SLC25A51: variants seen among roughly 807,000 people sequenced by gnomAD.
SLC25A51 encodes mitochondrial nicotinamide adenine dinucleotide transporter SLC25A51.
Under a neutral mutation model 19.1 loss-of-function variants are expected in SLC25A51, and 11 were observed. The observed-to-expected ratio is 0.58, with a 90% CI of 0.36 to 0.96. The LOEUF (loss-of-function observed/expected upper bound fraction) is 0.96. Among genes scored for constraint, SLC25A51 ranks in the 40% least tolerant of loss-of-function variants. The probability of loss-of-function intolerance (pLI) is 0.01; values close to 1 mark genes in which losing one functional copy is unlikely to be tolerated. For missense variants in SLC25A51, 201 were observed against 365.4 expected (o/e 0.55, Z 3.67); for synonymous variants, 105 against 133.6 (o/e 0.79, Z 1.47).
intron 2 of SLC25A51, among the ~76,000 whole-genome samples, chr9:37,893,319 G>A (rs182599441): frequency 1.6e-3 from 241 of 152,290 alleles, no homozygotes; most frequent in African/African-American, 5.6e-3. Context: ...ATGGCCTAAC[G>A]CCTCTTTGGA....
chr9:37,890,944 C>G (rs1017144635), intron 2 of SLC25A51, among the ~76,000 whole-genome samples: 4 of 152,000 alleles, frequency 2.6e-5, no homozygotes, highest in Non-Finnish European at 5.9e-5. Context: ...TTTTTCCCTC[C>G]TCATACTACA....
intron 1 of SLC25A51, among the ~76,000 whole-genome samples, chr9:37,903,277 A>G (rs1026708155): frequency 2.0e-5 from 3 of 152,160 alleles, no homozygotes; most frequent in Non-Finnish European, 4.4e-5. Flanking sequence ...TGTTTCAGAG[A>G]TTACAAGTAG....
exon 4 of SLC25A51, chr9:37,879,981 G>C (rs1391507348): frequency 6.6e-6 from 1 of 152,292 alleles, no homozygotes; most frequent in Non-Finnish European, 1.5e-5. Flanking sequence ...CAAGATGTTT[G>C]GTCTTTATGG....
chr9:37,895,167 C>T (rs1831689268), intron 2 of SLC25A51, among the ~76,000 whole-genome samples: 1 of 151,998 alleles, frequency 6.6e-6, no homozygotes, highest in Non-Finnish European at 1.5e-5. Flanking sequence ...CAATGGGCAA[C>T]CTTGTACTTA....
chr9:37,903,286 A>G (rs1344004228), intron 1 of SLC25A51, among the ~76,000 whole-genome samples: 1 of 152,246 alleles, frequency 6.6e-6, no homozygotes, highest in African/African-American at 2.4e-5. Flanking sequence ...GATTACAAGT[A>G]GAGAAAAACA....
chr9:37,899,289 C>T (rs1002682239), intron 2 of SLC25A51, among the ~76,000 whole-genome samples: 3 of 152,106 alleles, frequency 2.0e-5, no homozygotes, highest in Middle Eastern at 3.2e-3. Flanking sequence ...GCTACTTGGC[C>T]GTGGTGAAAT....
chr9:37,878,530 G>C, downstream of SLC25A51: 1 of 184,664 alleles, frequency 5.4e-6, no homozygotes, highest in South Asian at 1.3e-4. Flanking sequence ...AGTGGTCTAG[G>C]CAACAGCTAA....
Position 37,887,888 on chromosome 9 carries a change from C to G in SLC25A51, c.663G>C (p.Leu221Phe). The change falls in exon 3 of 3, where the codon TTG becomes TTC. Residue 221 changes from leucine to phenylalanine, a missense_variant. Transcript: ENST00000242275. The stretch of plus-strand genomic sequence containing the variant: ...AAAACAAGAATCCCAACATGGCACC[C>G]AATAGACCTCCACAGATAAAATCAT... ...LVNDFICGGL[L>F]GAMLGFLFFP... 6.2e-7 allele frequency: 1 copy of G among 1,612,000 alleles called. No individual in the cohort carries two copies.
At chr9:37,901,232 C>T (rs982613154) in intron 1 of SLC25A51, among the ~76,000 whole-genome samples, 1 of 152,060 alleles carries the variant, frequency 6.6e-6, no homozygotes, top group African/African-American at 2.4e-5. Flanking sequence ...TGCAGTGGCG[C>T]AATCTTGGCT....
intron 1 of SLC25A51, among the ~76,000 whole-genome samples, chr9:37,900,890 C>T (rs1353236348): frequency 1.3e-5 from 2 of 152,152 alleles, no homozygotes; most frequent in South Asian, 2.1e-4. Flanking sequence ...CAGAGTTTTG[C>T]TCTGTCACCT....
chr9:37,895,203 A>G (rs955048891), intron 2 of SLC25A51, among the ~76,000 whole-genome samples: 1 of 151,802 alleles, frequency 6.6e-6, no homozygotes, highest in African/African-American at 2.4e-5. Context: ...TTTGCCATTA[A>G]AAACTTTTTT....
chr9:37,887,687 T>A lies in SLC25A51; in HGVS notation c.864A>T (p.Ala288=). 1 of 1,612,122 alleles carries A rather than the reference T, an allele frequency of 6.2e-7. No homozygotes were observed. The highest frequency in any genetic ancestry group is 8.5e-7 in the Non-Finnish European group (1 of 1,179,288). The change falls in exon 3 of 3, where the codon GCA becomes GCT. Residue 288 remains alanine, a synonymous_variant. Transcript: ENST00000242275. ...TAACCTTTAACAAGAACTCATAAGT[T>A]GCATTGATTATGCCCCAAGAGATGA... The part of the protein sequence containing the change: ...RSLISWGIIN[A]TYEFLLKVI
rs1433350918 is a variant in SLC25A51, at chr9:37,891,867, T to TAAAAA, written c.-42-3276_-42-3275insTTTTT. Among the ~76,000 whole-genome samples, 34 of 132,820 alleles carry TAAAAA rather than the reference T, an allele frequency of 2.6e-4. No homozygotes were observed. The East Asian group carries it at 2.7e-3, about 10-fold the overall frequency. 87.1% of individuals were successfully genotyped at this position (132,820 alleles called of 152,430 possible). The stretch of plus-strand genomic sequence containing the variant: ...GAATGATAAAAAAAAAAAAAAAAAT[T>TAAAAA]TTATATATATATATATACACACAAC... On this transcript the variant is annotated intron_variant, in intron 2 of 2. Transcript: ENST00000242275.
intron 2 of SLC25A51, among the ~76,000 whole-genome samples, chr9:37,894,667 G>T (rs1182886795): frequency 1.3e-5 from 2 of 152,098 alleles, no homozygotes; most frequent in Non-Finnish European, 2.9e-5. Flanking sequence ...GTGCAGGTTT[G>T]TTATGTAAAC....
At chr9:37,887,538 T>C, downstream of SLC25A51, 6 of 1,249,682 alleles carry the variant, frequency 4.8e-6, no homozygotes, top group East Asian at 5.0e-5. Context: ...CCACACCCAG[T>C]TGATGGCTTT....
Position 37,888,622 on chromosome 9 carries a change from C to A in SLC25A51, c.-42-30G>T. 4 of 1,512,516 alleles carry A rather than the reference C, an allele frequency of 2.6e-6. No homozygotes were observed. In the South Asian group the frequency reaches 5.3e-5, roughly 20 times the overall value. The allele number at this position is 1,512,516 out of a possible 1,614,324, so 93.7% of individuals were successfully genotyped here. Reference sequence around the variant, plus strand: ...AAATAATAAATGACAACGGGTAAACCCGTTTTATAGAGAGCTAAACACATG... The same window carrying A: ...AAATAATAAATGACAACGGGTAAACACGTTTTATAGAGAGCTAAACACATG... On this transcript the variant is annotated intron_variant, in intron 2 of 2. Transcript: ENST00000242275.
At chr9:37,891,380 G>C (rs1396023162) in intron 2 of SLC25A51, among the ~76,000 whole-genome samples, 1 of 152,218 alleles carries the variant, frequency 6.6e-6, no homozygotes, top group Non-Finnish European at 1.5e-5. Flanking sequence ...ATTGAGAACG[G>C]GCCATGATGA....
downstream of SLC25A51, among the ~76,000 whole-genome samples, chr9:37,883,669 AC>A (rs1253660039): frequency 6.6e-6 from 1 of 152,260 alleles, no homozygotes; most frequent in Non-Finnish European, 1.5e-5. Flanking sequence ...TCAAAGTCAC[AC>A]GCATGATTGA....
At chr9:37,894,851 TGTAA>T (rs1389537313) in intron 2 of SLC25A51, among the ~76,000 whole-genome samples, 2 of 152,152 alleles carry the variant, frequency 1.3e-5, no homozygotes, top group African/African-American at 4.8e-5. Context: ...AGCTTCCACT[TGTAA>T]GTGAGAACAT....
Sources: allele counts gnomAD v4.1 joint callset (sites outside exome capture counted in the v4.1 genomes callset), GRCh38; gene constraint gnomAD v4.1.1; transcripts MANE v1.5; gene names NCBI Gene and HGNC (gene_info 2026-07-23, HGNC 2026-07-21).